Variants in TRAPPC10 observed in about 807,000 individuals in gnomAD.
TRAPPC10 encodes TRAPP 130 kDa subunit.
In TRAPPC10, 23 loss-of-function variants were observed where a neutral mutation model predicts 125.5. The observed-to-expected ratio is 0.18, with a 90% CI of 0.13 to 0.26. The LOEUF is 0.26. TRAPPC10 is among the 10% of genes least tolerant of loss of function. The pLI, the probability that TRAPPC10 is intolerant of heterozygous loss-of-function variation, is 1.00. For synonymous variants in TRAPPC10, 509 were observed against 518.0 expected (o/e 0.98, Z 0.24); for missense variants, 1,123 against 1,308.4 (o/e 0.86, Z 2.19).
At chr21:44,038,499 C>T (rs1228074896) in intron 3 of TRAPPC10, among the ~76,000 whole-genome samples, 2 of 151,916 alleles carry the variant, frequency 1.3e-5, no homozygotes, top group Admixed American at 6.6e-5. Flanking sequence ...GCAGGAGGCG[C>T]CCCGTGACTC....
intron 3 of TRAPPC10, among the ~76,000 whole-genome samples, chr21:44,045,979 G>A (rs7279727): frequency 0.34 from 51,499 of 151,238 alleles, 13,145 homozygotes; most frequent in African/African-American, 0.72. Flanking sequence ...TTGTGGGGGT[G>A]GATATGACCT....
At chr21:44,077,557 C>T (rs2037375995) in intron 10 of TRAPPC10, 136 bp from the exon 11 acceptor site, 1 of 565,284 alleles carries the variant, frequency 1.8e-6, no homozygotes, top group Non-Finnish European at 3.0e-6. Flanking sequence ...TGTGCTCCAG[C>T]CTGGGCGATG....
intron 3 of TRAPPC10, among the ~76,000 whole-genome samples, chr21:44,045,809 G>A (rs2034758338): frequency 6.6e-6 from 1 of 151,994 alleles, no homozygotes; most frequent in South Asian, 2.1e-4. Flanking sequence ...GCCCACCTCG[G>A]CCTCCCAAAG....
Position 44,075,096 on chromosome 21 carries a change from G to T in TRAPPC10, c.1243G>T (p.Asp415Tyr), listed in dbSNP as rs2037177308. ...GTCAGAGAAAGGACCTAACTCAGAAGATCTCAACAGGACAGTTGACCTTTT... is the reference window on the plus strand; with the variant it reads ...GTCAGAGAAAGGACCTAACTCAGAATATCTCAACAGGACAGTTGACCTTTT... The part of the protein sequence containing the change: ...LVSEKGPNSE[D>Y]LNRTVDLLAG... The change falls in exon 9 of 23, where the codon GAT becomes TAT. Residue 415 changes from aspartate (D) to tyrosine (Y), a missense_variant. By Grantham distance (160) the Asp-to-Tyr change is radical (BLOSUM62 -3). Coordinates refer to ENST00000291574, the MANE Select transcript of TRAPPC10 (RefSeq NM_003274.5). 1 of 1,614,084 alleles carries T rather than the reference G, an allele frequency of 6.2e-7. No homozygotes were observed. Among genetic ancestry groups the T allele is most frequent in the South Asian group, 1.1e-5 (1 of 91,092 alleles).
intron 3 of TRAPPC10, among the ~76,000 whole-genome samples, chr21:44,040,493 G>A (rs969332983): frequency 6.6e-6 from 1 of 151,956 alleles, no homozygotes; most frequent in Non-Finnish European, 1.5e-5. Flanking sequence ...ACAGGCATGC[G>A]CCCAGCTAAT....
chr21:44,025,221 C>A (rs1006130608), intron 1 of TRAPPC10, among the ~76,000 whole-genome samples: 1 of 152,214 alleles, frequency 6.6e-6, no homozygotes, highest in African/African-American at 2.4e-5. Flanking sequence ...CAGCTCCCTC[C>A]TGAGTGCTTG....
intron 19 of TRAPPC10, 37 bp downstream of exon 19, chr21:44,092,086 CAG>C (rs1408918829): frequency 6.2e-7 from 1 of 1,608,596 alleles, no homozygotes; most frequent in Non-Finnish European, 8.5e-7. Context: ...AACTTCTCAA[CAG>C]AGAACCAGAG....
In TRAPPC10 at chr21:44,082,681, G is replaced by C; in HGVS notation, c.1724-107G>C. 7.8e-7 allele frequency: 1 copy of C among 1,288,506 alleles called. No homozygotes were observed. The highest frequency in any genetic ancestry group is 1.1e-6 in the Non-Finnish European group (1 of 915,120). 79.8% of individuals were successfully genotyped at this position (1,288,506 alleles called of 1,614,324 possible). ...CTCAGCTGCTGTGCCCATCACTGCT[G>C]CTTGCTTCAGTCTGCTCTCGGTGAT... On this transcript the variant is annotated intron_variant, in intron 13 of 22. Transcript: ENST00000291574. The surrounding 1 kb of genome is among the most constrained non-coding windows in gnomAD (Gnocchi z 4.4).
rs1356987006 is a variant in TRAPPC10, at chr21:44,082,721, G to A, written c.1724-67G>A. 5.8e-6 allele frequency: 9 copies of A among 1,563,382 alleles called. No individual in the cohort carries two copies. Among genetic ancestry groups the A allele is most frequent in the East Asian group, 2.2e-5 (1 of 44,544 alleles). On this transcript the variant is annotated intron_variant, in intron 13 of 22. Transcript: ENST00000291574. This position sits in a 1 kb window ranked among gnomAD's most constrained non-coding sequence, Gnocchi z 4.4. ...CTCTCGGTGATCTTACTGTGTCCGCGGCCTGCTGCTGCTTACTGTCAGGAA... is the reference window on the plus strand; with the variant it reads ...CTCTCGGTGATCTTACTGTGTCCGCAGCCTGCTGCTGCTTACTGTCAGGAA...
Position 44,063,555 on chromosome 21 carries a change from A to G in TRAPPC10, c.808A>G (p.Thr270Ala). 1 of 1,614,202 alleles carries G rather than the reference A, an allele frequency of 6.2e-7. No homozygotes were observed. The highest frequency in any genetic ancestry group is 1.1e-5 in the South Asian group (1 of 91,084). Residue 270 changes from threonine to alanine, a missense_variant, in exon 7 of 23, where the codon ACT becomes GCT. Thr to Ala is a moderately conservative substitution (Grantham distance 58). Coordinates refer to ENST00000291574, the MANE Select transcript of TRAPPC10 (RefSeq NM_003274.5). This position sits in a 1 kb window ranked among gnomAD's most constrained non-coding sequence, Gnocchi z 4.4. ...FGAGDGANWL[T>A]FFCQPVKSWN... is the part of the protein sequence containing the mutation. The stretch of plus-strand genomic sequence containing the variant: ...TTGTTTAGATGGTGCCAACTGGCTG[A>G]CTTTTTTCTGCCAGCCAGTGAAGAG...
chr21:44,079,219 C>T (rs2299820), intron 11 of TRAPPC10, among the ~76,000 whole-genome samples: 47,370 of 152,036 alleles, frequency 0.31, 10,342 homozygotes, highest in African/African-American at 0.62. Flanking sequence ...TTAGCCTTGG[C>T]CCTCTTGCCT....
chr21:44,040,510 G>C (rs1275399991), intron 3 of TRAPPC10, among the ~76,000 whole-genome samples: 2 of 151,956 alleles, frequency 1.3e-5, no homozygotes, highest in African/African-American at 4.8e-5. Context: ...TAATTTTTTT[G>C]TATTTTCTGT....
At chr21:44,086,467 T>C (rs1410817780) in intron 15 of TRAPPC10, among the ~76,000 whole-genome samples, 1 of 152,232 alleles carries the variant, frequency 6.6e-6, no homozygotes, top group Non-Finnish European at 1.5e-5. Flanking sequence ...CATTATGTGA[T>C]TCTCTTCTAC....
At chr21:44,054,813 G>A (rs2035457102) in intron 4 of TRAPPC10, among the ~76,000 whole-genome samples, 1 of 152,214 alleles carries the variant, frequency 6.6e-6, no homozygotes. Context: ...TCCAGAGAAG[G>A]GGAGTGTTTT....
Position 44,063,559 on chromosome 21 carries a change from T to C in TRAPPC10, c.812T>C (p.Phe271Ser). Residue 271 changes from phenylalanine to serine, a missense_variant, in exon 7 of 23, where the codon TTT (phenylalanine) becomes TCT (serine). Phe to Ser is a radical substitution (Grantham distance 155). Coordinates refer to ENST00000291574, the MANE Select transcript of TRAPPC10 (RefSeq NM_003274.5). This position sits in a 1 kb window ranked among gnomAD's most constrained non-coding sequence, Gnocchi z 4.4. ...TTAGATGGTGCCAACTGGCTGACTT[T>C]TTTCTGCCAGCCAGTGAAGAGCTGG... is the stretch of plus-strand genomic sequence containing the variant. ...GAGDGANWLT[F>S]FCQPVKSWNG... 2 of 1,614,152 alleles carry C rather than the reference T, an allele frequency of 1.2e-6. No homozygotes were observed. Among genetic ancestry groups the C allele is most frequent in the South Asian group, 1.1e-5 (1 of 91,072 alleles).
chr21:44,045,757 C>T (rs553200603), intron 3 of TRAPPC10, among the ~76,000 whole-genome samples: 7 of 151,980 alleles, frequency 4.6e-5, no homozygotes, highest in East Asian at 3.9e-4. Context: ...GGGGTTTAAC[C>T]GTGTTGGCCA....
At chr21:44,057,063 A>G (rs1044698368) in intron 5 of TRAPPC10, among the ~76,000 whole-genome samples, 14 of 152,118 alleles carry the variant, frequency 9.2e-5, no homozygotes, top group Admixed American at 9.2e-4. Flanking sequence ...CATGATGCCG[A>G]GTGAAATAAG....
rs1405408671 is a variant in TRAPPC10 at position 44,032,175 on chromosome 21, A to G, written c.149+3A>G. 6.2e-7 allele frequency: 1 copy of G among 1,611,556 alleles called. No individual in the cohort carries two copies. The highest frequency in any genetic ancestry group is 1.3e-5 in the African/African-American group (1 of 74,786). On this transcript the variant is annotated splice_donor_region_variant and intron_variant, in intron 2 of 22. Transcript: ENST00000291574. Reference sequence around the variant, plus strand: ...AGAGAACCAATGGAATGGAGAAGGTATGAGTTGTGTGTTTTTTGGCTGTAT... The same window carrying G: ...AGAGAACCAATGGAATGGAGAAGGTGTGAGTTGTGTGTTTTTTGGCTGTAT...
rs1422423793 is a variant in TRAPPC10 at position 44,076,533 on chromosome 21, T to G, written c.1301-19T>G. 2 of 1,605,022 alleles carry G rather than the reference T, an allele frequency of 1.2e-6. No homozygotes were observed. The highest frequency in any genetic ancestry group is 1.7e-5 in the Admixed American group (1 of 59,968). On this transcript the variant is annotated intron_variant, in intron 9 of 22. Coordinates refer to ENST00000291574, the MANE Select transcript of TRAPPC10 (RefSeq NM_003274.5). The stretch of plus-strand genomic sequence containing the variant: ...ACATGATGAAGATGAAGAGGGACTC[T>G]CGTTTCTTTCTGTTTAAGCCAACAC...
Sources: gnomAD v4.1 joint callset for allele counts (sites outside exome capture counted in the v4.1 genomes callset) on GRCh38, gnomAD v4.1.1 for gene constraint, Gnocchi (gnomAD v3.1) non-coding constraint, MANE v1.5 for transcripts, NCBI Gene and HGNC (gene_info 2026-07-23, HGNC 2026-07-21) for gene names.